The following SGCZ variants were observed in gnomAD, a reference collection of about 807,000 sequenced individuals.
The protein encoded by SGCZ is sarcoglycan zeta.
In SGCZ, 40 loss-of-function variants were observed where a neutral mutation model predicts 41.3. The observed-to-expected ratio is 0.97, with a 90% CI of 0.75 to 1.26. SGCZ has a LOEUF of 1.26. Ranked by LOEUF, SGCZ falls within the 50% of genes most tolerant of loss-of-function variation. The probability of loss-of-function intolerance (pLI) is 0.00; values close to 1 mark genes in which losing one functional copy is unlikely to be tolerated. For missense variants in SGCZ, 552 were observed against 369.8 expected (o/e 1.49, Z -4.04); for synonymous variants, 206 against 137.5 (o/e 1.50, Z -3.49).
chr8:14,413,183 C>T (rs1799407050), intron 2 of SGCZ, among the ~76,000 whole-genome samples: 4 of 151,936 alleles, frequency 2.6e-5, no homozygotes, highest in Admixed American at 2.6e-4. Context: ...CCAACTAGAG[C>T]AACACAGTAA....
intron 1 of SGCZ, among the ~76,000 whole-genome samples, chr8:14,846,991 G>C (rs535895724): frequency 1.3e-5 from 2 of 152,056 alleles, no homozygotes; most frequent in Admixed American, 6.6e-5. Flanking sequence ...AGAATTGCTT[G>C]AACCTGGGAG....
At chr8:14,337,605 A>G (rs994244907) in intron 2 of SGCZ, among the ~76,000 whole-genome samples, 5 of 152,198 alleles carry the variant, frequency 3.3e-5, no homozygotes, top group Admixed American at 1.3e-4. Flanking sequence ...ATGGTGAAAA[A>G]GAGAATGAAA....
At chr8:14,272,129 G>T (rs1381185609) in intron 3 of SGCZ, among the ~76,000 whole-genome samples, 1 of 152,110 alleles carries the variant, frequency 6.6e-6, no homozygotes, top group Non-Finnish European at 1.5e-5. Context: ...TCAGCCTCCT[G>T]AGTAGCTGGG....
intron 1 of SGCZ, among the ~76,000 whole-genome samples, chr8:14,723,624 T>G (rs2130194747): frequency 6.6e-6 from 1 of 152,186 alleles, no homozygotes; most frequent in Middle Eastern, 3.4e-3. Context: ...GTAAAATGAT[T>G]TAGGATAGGA....
At position 14,704,127 on chromosome 8, in the gene SGCZ, T is replaced by C. The variant is rs1188246225; in HGVS notation, c.40-149201A>G. Among the ~76,000 whole-genome samples, 3 of 152,140 alleles carry C rather than the reference T, an allele frequency of 2.0e-5. 1 individual carries two copies. The highest frequency in any genetic ancestry group is 6.8e-3 in the Middle Eastern group (2 of 294). On this transcript the variant is annotated intron_variant, in intron 1 of 7. Transcript: ENST00000382080. ...ACACTAAAATATTATCCAGCACATA[T>C]TCTGACATCTTGATTTTAGTCCTGG...
chr8:14,664,282 G>C (rs778465248), intron 1 of SGCZ, among the ~76,000 whole-genome samples: 1 of 152,136 alleles, frequency 6.6e-6, no homozygotes, highest in Non-Finnish European at 1.5e-5. Flanking sequence ...AAACAAGCCT[G>C]CTGAACTGAG....
intron 2 of SGCZ, among the ~76,000 whole-genome samples, chr8:14,482,098 A>T (rs1801550912): frequency 6.6e-6 from 1 of 152,178 alleles, no homozygotes; most frequent in Non-Finnish European, 1.5e-5. Flanking sequence ...CTAGACAAAG[A>T]AAGAGCTCCA....
At chr8:14,997,814 G>A (rs531581610) in intron 1 of SGCZ, among the ~76,000 whole-genome samples, 1 of 152,190 alleles carries the variant, frequency 6.6e-6, no homozygotes, top group African/African-American at 2.4e-5. Context: ...ACAAAAATTA[G>A]GCAGGCCTGA....
chr8:14,285,992 G>C (rs1339159935), intron 3 of SGCZ, among the ~76,000 whole-genome samples: 1 of 152,002 alleles, frequency 6.6e-6, no homozygotes, highest in Admixed American at 6.6e-5. Flanking sequence ...CTAAAAGAAA[G>C]ATTTATTATC....
At chr8:14,475,397 T>TTATTAAC (rs1801329204) in intron 2 of SGCZ, among the ~76,000 whole-genome samples, 1 of 152,088 alleles carries the variant, frequency 6.6e-6, no homozygotes, top group Non-Finnish European at 1.5e-5. Flanking sequence ...GCAGCAAACA[T>TTATTAAC]TATTAACTAT....
chr8:14,705,861 C>T (rs550071200), intron 1 of SGCZ, among the ~76,000 whole-genome samples: 2 of 152,118 alleles, frequency 1.3e-5, no homozygotes, highest in South Asian at 4.1e-4. Context: ...TTGTAACTTT[C>T]TGAACACGAA....
intron 2 of SGCZ, among the ~76,000 whole-genome samples, chr8:14,456,024 T>C (rs1800732969): frequency 6.6e-6 from 1 of 152,044 alleles, no homozygotes; most frequent in African/African-American, 2.4e-5. Flanking sequence ...TACAAGGCCA[T>C]TTTGGGGGGA....
At chr8:14,374,384 G>C (rs146235102) in intron 2 of SGCZ, among the ~76,000 whole-genome samples, 3,017 of 152,242 alleles carry the variant, frequency 0.02, 78 homozygotes, top group African/African-American at 0.056. Flanking sequence ...TAGGTAGATA[G>C]TTTTTTAGGA....
rs189944712 is a variant in SGCZ, at chr8:14,156,616, C to G, written c.547+7964G>C. On this transcript the variant is annotated intron_variant, in intron 5 of 7. Transcript: ENST00000382080. ...TAAAGCACAACCATGTATAGCTGTA[C>G]AAAACTAAACTATTTCTTTCTTTCT... is the stretch of plus-strand genomic sequence containing the variant. Among the ~76,000 whole-genome samples the G allele has an allele frequency of 1.3e-3, 204 of 152,274 alleles. 1 individual carries two copies. Among genetic ancestry groups the G allele is most frequent in the African/African-American group, 4.7e-3 (195 of 41,554 alleles).
intron 3 of SGCZ, among the ~76,000 whole-genome samples, chr8:14,314,841 G>A (rs12541209): frequency 4.0e-5 from 6 of 151,856 alleles, no homozygotes; most frequent in Admixed American, 2.6e-4. Flanking sequence ...GAATGCTACC[G>A]TTTCTATGTT....
At chr8:14,608,026 A>G (rs1464739421) in intron 1 of SGCZ, among the ~76,000 whole-genome samples, 1 of 152,244 alleles carries the variant, frequency 6.6e-6, no homozygotes, top group Non-Finnish European at 1.5e-5. Context: ...ATGAGAAGTA[A>G]GATTACAATG....
chr8:14,845,331 T>C (rs756554741), intron 1 of SGCZ, among the ~76,000 whole-genome samples: 7 of 152,146 alleles, frequency 4.6e-5, no homozygotes, highest in Non-Finnish European at 1.0e-4. Flanking sequence ...AAAGGCAAAA[T>C]TGAAATAACA....
chr8:15,034,312 G>A (rs958828380), intron 1 of SGCZ, among the ~76,000 whole-genome samples: 27 of 152,158 alleles, frequency 1.8e-4, no homozygotes, highest in African/African-American at 6.0e-4. Flanking sequence ...AAAATACAAT[G>A]AGTGGAATGA....
intron 1 of SGCZ, among the ~76,000 whole-genome samples, chr8:14,894,942 G>A (rs894326984): frequency 2.0e-5 from 3 of 152,036 alleles, no homozygotes; most frequent in Non-Finnish European, 2.9e-5. Context: ...ACTGAGGACC[G>A]AAAAACAAGT....
Sources: gnomAD v4.1 joint callset for allele counts (sites outside exome capture counted in the v4.1 genomes callset) on GRCh38, gnomAD v4.1.1 for gene constraint, MANE v1.5 for transcripts, NCBI Gene and HGNC (gene_info 2026-07-23, HGNC 2026-07-21) for gene names.